The following MEGF10 variants were observed in gnomAD, a reference collection of about 807,000 sequenced individuals.
The protein encoded by MEGF10 is multiple epidermal growth factor-like domains protein 10.
A neutral mutation model predicts 147.5 loss-of-function variants in MEGF10; 86 were observed. The ratio of observed to expected loss-of-function variants is 0.58; its 90% CI spans 0.49 to 0.70. MEGF10 has a LOEUF of 0.70. MEGF10 is among the 30% of genes least tolerant of loss of function. MEGF10 has a pLI of 0.00. For missense variants in MEGF10, 1,329 were observed against 1,487.3 expected, an observed-to-expected ratio of 0.89 and a Z score of 1.75; for synonymous variants, 478 against 525.5, an observed-to-expected ratio of 0.91 and a Z score of 1.24.
At chr5:127,316,413 C>T (rs1224178904) in intron 1 of MEGF10, among the ~76,000 whole-genome samples, 1 of 152,072 alleles carries the variant, frequency 6.6e-6, no homozygotes, top group African/African-American at 2.4e-5. Flanking sequence ...TTAATTAAGC[C>T]ATTGAAAGTG....
chr5:127,267,754 G>T, the MEGF10 span, among the ~76,000 whole-genome samples: 1 of 152,018 alleles, frequency 6.6e-6, no homozygotes, highest in Non-Finnish European at 1.5e-5. Flanking sequence ...TATTTCTGTG[G>T]GATCAGTGGT....
chr5:127,423,815 C>T (rs996415255), intron 13 of MEGF10, among the ~76,000 whole-genome samples: 2 of 151,606 alleles, frequency 1.3e-5, no homozygotes, highest in Non-Finnish European at 2.9e-5. Context: ...TATTTTATTC[C>T]ATTCTTTGAG....
chr5:127,346,161 A>G (rs1395713901), intron 4 of MEGF10, among the ~76,000 whole-genome samples: 2 of 152,168 alleles, frequency 1.3e-5, no homozygotes, highest in South Asian at 2.1e-4. Context: ...TTGTGTTGCT[A>G]TAAACATGCA....
At chr5:127,330,769 G>C (rs369092351) in intron 1 of MEGF10, among the ~76,000 whole-genome samples, 1 of 152,122 alleles carries the variant, frequency 6.6e-6, no homozygotes, top group African/African-American at 2.4e-5. Context: ...TTTATATCCA[G>C]TCTTTGAATG....
At chr5:127,257,964 T>C in the MEGF10 span, among the ~76,000 whole-genome samples, 1 of 152,186 alleles carries the variant, frequency 6.6e-6, no homozygotes, top group African/African-American at 2.4e-5. Context: ...TTGAATAACA[T>C]TTGCTATCAA....
chr5:127,412,840 A>T (rs1004598846), intron 9 of MEGF10, among the ~76,000 whole-genome samples: 2 of 152,156 alleles, frequency 1.3e-5, no homozygotes, highest in Non-Finnish European at 1.5e-5. Context: ...GATCAACTGG[A>T]GGCTAATTGG....
At chr5:127,402,772 TC>T in intron 8 of MEGF10, 90 bp downstream of exon 8, 1 of 1,324,058 alleles carries the variant, frequency 7.6e-7, no homozygotes, top group Non-Finnish European at 1.0e-6. Flanking sequence ...ATACCATGTG[TC>T]CATGACTCTT....
At chr5:127,428,438 A>G (rs2126990833) in intron 13 of MEGF10, among the ~76,000 whole-genome samples, 1 of 152,238 alleles carries the variant, frequency 6.6e-6, no homozygotes, top group South Asian at 2.1e-4. Context: ...CTATCAGCAG[A>G]GATGGATATA....
At chr5:127,452,284 A>T (rs1766182586) in intron 22 of MEGF10, among the ~76,000 whole-genome samples, 1 of 152,234 alleles carries the variant, frequency 6.6e-6, no homozygotes, top group Admixed American at 6.5e-5. Context: ...TGCACAGCTA[A>T]GATTAAAATG....
chr5:127,257,646 G>T, the MEGF10 span, among the ~76,000 whole-genome samples: 2 of 152,246 alleles, frequency 1.3e-5, no homozygotes, highest in Middle Eastern at 3.4e-3. Flanking sequence ...TGTTTATTTT[G>T]CCAAGGTTAG....
the MEGF10 span, among the ~76,000 whole-genome samples, chr5:127,237,715 A>C: frequency 6.6e-6 from 1 of 152,030 alleles, no homozygotes; most frequent in African/African-American, 2.4e-5. Flanking sequence ...AGTGGTAGAA[A>C]GGGCAGTAAT....
At chr5:127,438,625 C>T (rs1765643819) in intron 17 of MEGF10, 58 bp downstream of exon 17, 1 of 1,586,646 alleles carries the variant, frequency 6.3e-7, no homozygotes, top group Admixed American at 1.7e-5. Context: ...GAGGAAACAG[C>T]CTTACCCTCC....
chr5:127,317,402 A>G (rs921453193), intron 1 of MEGF10, among the ~76,000 whole-genome samples: 7 of 152,200 alleles, frequency 4.6e-5, no homozygotes, highest in Non-Finnish European at 8.8e-5. Context: ...GCCCATGCCT[A>G]TGTCCTGAAT....
the MEGF10 span, among the ~76,000 whole-genome samples, chr5:127,243,104 C>A: frequency 1.3e-5 from 2 of 152,182 alleles, no homozygotes; most frequent in African/African-American, 4.8e-5. Context: ...ATATATTCCA[C>A]ACTTGTTTCA....
upstream of MEGF10, among the ~76,000 whole-genome samples, chr5:127,286,409 C>T (rs568472100): frequency 2.0e-5 from 3 of 152,148 alleles, no homozygotes; most frequent in African/African-American, 7.2e-5. Flanking sequence ...CAAATTTTCA[C>T]ATGAATTCTG....
intron 1 of MEGF10, among the ~76,000 whole-genome samples, chr5:127,309,965 C>CTTTCTTTCTTTCTT (rs1561561891): frequency 1.6e-5 from 1 of 64,198 alleles, no homozygotes; most frequent in Admixed American, 1.5e-4. Context: ...TTCTTTCTTT[C>CTTTCTTTCTTTCTT]TTTCTTTCTT....
chr5:127,411,275 A>G (rs1764548469), intron 9 of MEGF10, among the ~76,000 whole-genome samples: 1 of 152,152 alleles, frequency 6.6e-6, no homozygotes, highest in Admixed American at 6.5e-5. Flanking sequence ...TCCCTCCCCC[A>G]GGGACCAGAT....
At chr5:127,264,099 C>T in the MEGF10 span, among the ~76,000 whole-genome samples, 1 of 152,094 alleles carries the variant, frequency 6.6e-6, no homozygotes, top group Admixed American at 6.6e-5. Flanking sequence ...TATCCCTTTT[C>T]AATTTAGGCC....
upstream of MEGF10, among the ~76,000 whole-genome samples, chr5:127,287,688 T>C (rs1759071801): frequency 6.6e-6 from 1 of 151,910 alleles, no homozygotes; most frequent in South Asian, 2.1e-4. Context: ...CACTCTCAAT[T>C]AGAAAAGTGA....
Sources: gnomAD v4.1 joint callset for allele counts (sites outside exome capture counted in the v4.1 genomes callset) on GRCh38, gnomAD v4.1.1 for gene constraint, MANE v1.5 for transcripts, NCBI Gene and HGNC (gene_info 2026-07-23, HGNC 2026-07-21) for gene names.